The following PRKN variants were observed in gnomAD, a reference collection of about 807,000 sequenced individuals.
PRKN encodes the protein E3 ubiquitin-protein ligase parkin.
PRKN carries 56 observed loss-of-function variants against 59.5 expected under a neutral mutation model. The ratio of observed to expected loss-of-function variants is 0.94; its 90% confidence interval spans 0.76 to 1.18. The LOEUF (loss-of-function observed/expected upper bound fraction) is 1.18, where lower values mean the gene tolerates loss of function less well. Ranked by LOEUF, PRKN falls within the 50% of genes most tolerant of loss-of-function variation. The probability of loss-of-function intolerance (pLI) is 0.00; values close to 1 mark genes in which losing one functional copy is unlikely to be tolerated. For missense variants in PRKN, 657 were observed against 596.4 expected (o/e 1.10, Z -1.06); for synonymous variants, 250 against 222.1 (o/e 1.13, Z -1.12).
At position 161,497,768 on chromosome 6, in the gene PRKN, G is replaced by T. The variant is rs1777810653; in HGVS notation, c.1083+51086C>A. On this transcript the variant is annotated intron_variant, in intron 9 of 11. Transcript: ENST00000366898. The surrounding 1 kb of genome is among the most constrained non-coding windows in gnomAD (Gnocchi z 4.6). ...TGAGACCAGGATTCTGCCTGGTTCT[G>T]TTGCCAAGGTGGGTGGGAAGTCGGC... Among the ~76,000 whole-genome samples the T allele has an allele frequency of 6.6e-6, 1 of 152,166 alleles. No individual in the cohort carries two copies. Among genetic ancestry groups the T allele is most frequent in the South Asian group, 2.1e-4 (1 of 4,834 alleles).
rs35219327 is a variant in PRKN, at chr6:162,598,853, C to CAAAA, written c.7+128805_7+128808dup. On this transcript the variant is annotated intron_variant, in intron 1 of 11. Coordinates refer to ENST00000366898, the MANE Select transcript of PRKN (RefSeq NM_004562.3). Reference sequence around the variant, plus strand: ...GGGTGAAAGAGTGAGATTCTGTCACCAAAAAAAAAAAAAAAAAGCAATTGC... The same window carrying CAAAA: ...GGGTGAAAGAGTGAGATTCTGTCACCAAAAAAAAAAAAAAAAAAAAAGCAATTGC... 6.6e-4 allele frequency among the ~76,000 whole-genome samples: 71 copies of CAAAA among 106,868 alleles called. No individual in the cohort carries two copies. The East Asian group carries it at 9.5e-3, about 14-fold the overall frequency. 70.1% of individuals were successfully genotyped at this position (106,868 alleles called of 152,430 possible).
chr6:162,508,305 T>A (rs750403289), intron 1 of PRKN, among the ~76,000 whole-genome samples: 6 of 152,104 alleles, frequency 3.9e-5, no homozygotes, highest in Non-Finnish European at 8.8e-5. Flanking sequence ...ATTACAGGAG[T>A]ACAAATCAAG....
chr6:162,589,383 C>T (rs892950092), intron 1 of PRKN, among the ~76,000 whole-genome samples: 2 of 152,018 alleles, frequency 1.3e-5, no homozygotes, highest in Non-Finnish European at 2.9e-5. Context: ...TCCTACCATC[C>T]ATAAACAGAT....
At chr6:162,626,687 G>A (rs960132107) in intron 1 of PRKN, among the ~76,000 whole-genome samples, 14 of 151,784 alleles carry the variant, frequency 9.2e-5, no homozygotes, top group Non-Finnish European at 1.5e-4. Context: ...GGTAGTGGGC[G>A]CCTGTAATCC....
intron 5 of PRKN, among the ~76,000 whole-genome samples, chr6:162,029,644 A>G (rs971118159): frequency 2.6e-5 from 4 of 152,134 alleles, no homozygotes; most frequent in Non-Finnish European, 5.9e-5. Context: ...CTCATCCTTT[A>G]TTCTCAACCT....
intron 6 of PRKN, among the ~76,000 whole-genome samples, chr6:161,800,289 T>A (rs112810002): frequency 1.3e-5 from 2 of 152,178 alleles, no homozygotes; most frequent in East Asian, 1.9e-4. Context: ...GTCTCCTACC[T>A]AGCTTTGCTT....
chr6:161,797,412 A>G (rs1227866871), intron 6 of PRKN, among the ~76,000 whole-genome samples: 1 of 152,030 alleles, frequency 6.6e-6, no homozygotes, highest in Non-Finnish European at 1.5e-5. Flanking sequence ...GACTATAGGC[A>G]CACACCACCA....
At chr6:162,319,309 G>A (rs1782884672) in intron 2 of PRKN, among the ~76,000 whole-genome samples, 1 of 151,998 alleles carries the variant, frequency 6.6e-6, no homozygotes, top group Non-Finnish European at 1.5e-5. Flanking sequence ...CCAAGCATCT[G>A]TAATATTAAT....
At chr6:161,685,185 T>C (rs1348649871) in intron 7 of PRKN, among the ~76,000 whole-genome samples, 3 of 152,218 alleles carry the variant, frequency 2.0e-5, no homozygotes, top group Non-Finnish European at 2.9e-5. Flanking sequence ...TGCTCGGCAG[T>C]TTTTTCTACT....
intron 2 of PRKN, among the ~76,000 whole-genome samples, chr6:162,433,708 C>G (rs1462297030): frequency 6.6e-6 from 1 of 151,774 alleles, no homozygotes; most frequent in African/African-American, 2.4e-5. Context: ...GTGTTTATTT[C>G]CTGTTTTCTG....
chr6:161,543,233 C>CACTAA (rs1489443693), intron 9 of PRKN, among the ~76,000 whole-genome samples: 1 of 152,152 alleles, frequency 6.6e-6, no homozygotes, highest in Non-Finnish European at 1.5e-5. Flanking sequence ...CTAAAACCTC[C>CACTAA]AACAGTATTT....
intron 5 of PRKN, among the ~76,000 whole-genome samples, chr6:161,999,232 G>C (rs768049746): frequency 6.6e-6 from 1 of 152,212 alleles, no homozygotes; most frequent in African/African-American, 2.4e-5. Flanking sequence ...CAACTGCTTA[G>C]AGAAGAGGCA....
intron 6 of PRKN, among the ~76,000 whole-genome samples, chr6:161,904,180 T>G (rs1313960705): frequency 6.6e-6 from 1 of 151,838 alleles, no homozygotes; most frequent in African/African-American, 2.4e-5. Context: ...TAAAAAATAA[T>G]AAGTTAAAAT....
At chr6:162,181,462 T>C (rs1783801122) in intron 4 of PRKN, among the ~76,000 whole-genome samples, 1 of 152,108 alleles carries the variant, frequency 6.6e-6, no homozygotes, top group South Asian at 2.1e-4. Flanking sequence ...TTTCCACACA[T>C]AGTAGGTATT....
At position 161,578,806 on chromosome 6, in the gene PRKN, C is replaced by G. The variant is rs912316617; in HGVS notation, c.872-9390G>C. Among the ~76,000 whole-genome samples, 2 of 152,362 alleles carry G rather than the reference C, an allele frequency of 1.3e-5. No homozygotes were observed. The highest frequency in any genetic ancestry group is 4.8e-5 in the African/African-American group (2 of 41,594). ...GTAACAAAAGATGAAAAACACTTCTCATTTTTCTTATTTGTATGTCATTAC... is the reference window on the plus strand; with the variant it reads ...GTAACAAAAGATGAAAAACACTTCTGATTTTTCTTATTTGTATGTCATTAC... On this transcript the variant is annotated intron_variant, in intron 7 of 11. Transcript: ENST00000366898. The surrounding 1 kb of genome is among the most constrained non-coding windows in gnomAD (Gnocchi z 4.2).
intron 3 of PRKN, among the ~76,000 whole-genome samples, chr6:162,247,578 AT>A (rs2128094233): frequency 6.6e-6 from 1 of 152,314 alleles, no homozygotes; most frequent in East Asian, 1.9e-4. Flanking sequence ...TTTCCAATGC[AT>A]TAATGCAAAA....
At chr6:161,350,622 AT>A (rs1408018442) in intron 11 of PRKN, among the ~76,000 whole-genome samples, 53 of 122,354 alleles carry the variant, frequency 4.3e-4, no homozygotes, top group Non-Finnish European at 6.9e-4. Flanking sequence ...AAATATATAT[AT>A]TTTTATATAT....
chr6:161,714,262 T>C lies in PRKN; in HGVS notation c.871+71510A>G, dbSNP rs1786876058. 2.0e-5 allele frequency among the ~76,000 whole-genome samples: 3 copies of C among 152,286 alleles called. No homozygotes were observed. The South Asian group carries it at 6.2e-4, about 32-fold the overall frequency. On this transcript the variant is annotated intron_variant, in intron 7 of 11. Transcript: ENST00000366898. ...CCATAAGGCTTAGAAGGGAGTGCTATGGTTTGAATGTGTCCCCTCCAAAAA... is the reference window on the plus strand; with the variant it reads ...CCATAAGGCTTAGAAGGGAGTGCTACGGTTTGAATGTGTCCCCTCCAAAAA...
chr6:161,493,584 C>T (rs1028647045), intron 9 of PRKN, among the ~76,000 whole-genome samples: 19 of 152,094 alleles, frequency 1.2e-4, no homozygotes, highest in African/African-American at 2.7e-4. Flanking sequence ...AGCACAGAGT[C>T]GCCTGAATAT....
Sources: gnomAD v4.1 joint callset for allele counts (sites outside exome capture counted in the v4.1 genomes callset) on GRCh38, gnomAD v4.1.1 for gene constraint, Gnocchi (gnomAD v3.1) non-coding constraint, MANE v1.5 for transcripts, NCBI Gene and HGNC (gene_info 2026-07-23, HGNC 2026-07-21) for gene names.